The following OPA1 variants were observed in gnomAD, a reference collection of about 807,000 sequenced individuals.
OPA1 encodes the protein OPA1 mitochondrial dynamin like GTPase.
A neutral mutation model predicts 152.9 loss-of-function variants in OPA1; 59 were observed. The observed-to-expected ratio is 0.39, with a 90% CI of 0.31 to 0.48. The LOEUF is 0.48. Ranked by LOEUF, OPA1 falls within the 20% of genes least tolerant of loss-of-function variation. The pLI is 0.96. For synonymous variants in OPA1, 400 were observed against 389.9 expected (o/e 1.03, Z -0.31); for missense variants, 1,008 against 1,216.8 (o/e 0.83, Z 2.55).
chr3:193,622,273 G>A (rs1730259313), intron 6 of OPA1, among the ~76,000 whole-genome samples: 2 of 120,782 alleles, frequency 1.7e-5, no homozygotes, highest in South Asian at 2.8e-4. Context: ...TCTGTCACCC[G>A]GCTGGAGTAC....
At chr3:193,635,723 C>T (rs912308059) in intron 9 of OPA1, among the ~76,000 whole-genome samples, 2 of 152,078 alleles carry the variant, frequency 1.3e-5, no homozygotes, top group African/African-American at 2.4e-5. Flanking sequence ...ATACTATGCC[C>T]ATAAAATCTT....
chr3:193,639,618 CG>C (rs1733455413), intron 11 of OPA1, among the ~76,000 whole-genome samples: 1 of 152,144 alleles, frequency 6.6e-6, no homozygotes, highest in African/African-American at 2.4e-5. Flanking sequence ...TAATGAAGAG[CG>C]GGGAGGAACA....
At chr3:193,614,665 C>A in intron 1 of OPA1, 58 bp from the exon 2 acceptor site, 1 of 1,309,822 alleles carries the variant, frequency 7.6e-7, no homozygotes, top group Non-Finnish European at 1.1e-6. Context: ...CTTTTAATGT[C>A]ATTTCCTTTG....
At position 193,648,835 on chromosome 3, in the gene OPA1, A is replaced by T. The variant is rs983636363; in HGVS notation, c.1976A>T (p.Glu659Val). 1 of 1,609,578 alleles carries T rather than the reference A, an allele frequency of 6.2e-7. No homozygotes were observed. The highest frequency in any genetic ancestry group is 8.5e-7 in the Non-Finnish European group (1 of 1,176,228). ...FEKAKNEILDEVISLSQVTPK... is the reference protein window; with the variant it reads ...FEKAKNEILDVVISLSQVTPK... ...AAAGCTAAAAATGAAATCCTTGATG[A>T]AGTTATCAGTCTGAGCCAGGTTACA... is the stretch of plus-strand genomic sequence containing the variant. The change falls in exon 21 of 31, where the codon GAA becomes GTA. Residue 659 changes from glutamate (E) to valine (V), a missense_variant. By Grantham distance (121) the Glu-to-Val change is moderately radical (BLOSUM62 -2). Around this residue, in one of 7 missense-constraint regions of OPA1, gnomAD observed 229 missense variants for 269.0 expected, o/e 0.85. Transcript: ENST00000361510.
intron 26 of OPA1, 36 bp downstream of exon 26, chr3:193,662,998 C>T: frequency 6.2e-7 from 1 of 1,603,618 alleles, no homozygotes; most frequent in Non-Finnish European, 8.5e-7. Context: ...AATCTGCTTC[C>T]TTAATATTTG....
At chr3:193,630,372 AAG>A (rs1355073524) in intron 7 of OPA1, among the ~76,000 whole-genome samples, 1 of 152,218 alleles carries the variant, frequency 6.6e-6, no homozygotes, top group African/African-American at 2.4e-5. Flanking sequence ...AAAAGAAAAA[AAG>A]AGTGTACCTT....
At chr3:193,612,483 T>C (rs1296891638) in intron 1 of OPA1, among the ~76,000 whole-genome samples, 4 of 152,164 alleles carry the variant, frequency 2.6e-5, no homozygotes, top group Non-Finnish European at 5.9e-5. Flanking sequence ...AGGCACTTTT[T>C]GATTCACTTA....
In OPA1 at chr3:193,647,189, G is replaced by A. The variant is rs927167246; in HGVS notation, c.1870+9G>A. On this transcript the variant is annotated intron_variant, in intron 19 of 30. Coordinates refer to ENST00000361510, the MANE Select transcript of OPA1 (RefSeq NM_130837.3). ...GGCTGATAGTTTCAAAGGTAAGTTG[G>A]ATTTTTTAAAGAAGCAAGCAAATTA... 3.8e-6 allele frequency: 6 copies of A among 1,587,152 alleles called. No individual in the cohort carries two copies. In the East Asian group the frequency reaches 1.1e-4, roughly 30 times the overall value.
intron 1 of OPA1, 82 bp from the exon 2 acceptor site, chr3:193,614,641 T>G: frequency 9.6e-7 from 1 of 1,043,716 alleles, no homozygotes; most frequent in Non-Finnish European, 1.5e-6. Context: ...CTGTGTTTCC[T>G]TTAGTATATT....
chr3:193,639,921 A>C (rs1024140064), intron 11 of OPA1, among the ~76,000 whole-genome samples: 4 of 152,196 alleles, frequency 2.6e-5, no homozygotes, highest in Non-Finnish European at 5.9e-5. Context: ...GGGAGAGAAG[A>C]AAAGCAATGG....
chr3:193,635,641 G>A (rs1046785118), intron 9 of OPA1, 119 bp downstream of exon 9: 4 of 695,548 alleles, frequency 5.8e-6, no homozygotes, highest in Non-Finnish European at 1.1e-5. Flanking sequence ...CTAACCTAAT[G>A]TGCTTGGAGG....
rs866714513 is a variant in OPA1 at position 193,675,337 on chromosome 3, A to C, written c.2983+8057A>C. ...ATTTTTTTTTTTTAAGAAAAAAAAA[A>C]AAAAAAAAAAAAACACCCAATCAAG... On this transcript the variant is annotated intron_variant, in intron 29 of 30. Transcript: ENST00000361510. Among the ~76,000 whole-genome samples the C allele has an allele frequency of 6.0e-4, 74 of 123,186 alleles. 1 individual carries two copies. Among genetic ancestry groups the C allele is most frequent in the South Asian group, 2.9e-3 (11 of 3,794 alleles). The allele number at this position is 123,186 out of a possible 152,430, so 80.8% of individuals were successfully genotyped here. A position where few individuals can be genotyped will look rare whatever the true frequency, so the allele number is the denominator to read the frequency against.
At chr3:193,601,270 C>T (rs1390316733) in intron 1 of OPA1, among the ~76,000 whole-genome samples, 1 of 152,054 alleles carries the variant, frequency 6.6e-6, no homozygotes, top group Non-Finnish European at 1.5e-5. Flanking sequence ...AGCTTATCCT[C>T]GTCTATTTCG....
At chr3:193,638,328 A>T (rs575243516) in intron 11 of OPA1, among the ~76,000 whole-genome samples, 4 of 152,252 alleles carry the variant, frequency 2.6e-5, no homozygotes, top group South Asian at 4.2e-4. Flanking sequence ...GATAAGAGAG[A>T]AGTTAAGAGA....
At position 193,696,518 on chromosome 3, in the gene OPA1, T is replaced by G. The variant is rs1449283313; in HGVS notation, c.*1918T>G. On this transcript the variant is annotated 3_prime_UTR_variant, in exon 31 of 31. Coordinates refer to ENST00000361510, the MANE Select transcript of OPA1 (RefSeq NM_130837.3). Reference sequence around the variant, plus strand: ...TGTGGCTTCTTTCATGGGTTTTTTTTTCTTCTTTTTAGCTGATCTCATCCT... The same window carrying G: ...TGTGGCTTCTTTCATGGGTTTTTTTGTCTTCTTTTTAGCTGATCTCATCCT... The G allele has an allele frequency of 6.6e-6, 1 of 152,230 alleles. No homozygotes were observed. The highest frequency in any genetic ancestry group is 1.5e-5 in the Non-Finnish European group (1 of 68,038). 9.4% of individuals were successfully genotyped at this position (152,230 alleles called of 1,614,324 possible).
At chr3:193,610,680 C>T (rs902284220) in intron 1 of OPA1, among the ~76,000 whole-genome samples, 56 of 152,234 alleles carry the variant, frequency 3.7e-4, no homozygotes, top group Non-Finnish European at 1.0e-4. Context: ...GCAGTGGGCT[C>T]CACCCAGTTC....
intron 30 of OPA1, 118 bp downstream of exon 30, chr3:193,692,250 T>C: frequency 3.0e-6 from 2 of 675,628 alleles, no homozygotes; most frequent in Non-Finnish European, 5.4e-6. Context: ...GTAATTTCAA[T>C]GGCATGAATC....
At chr3:193,685,837 A>C (rs1259803399) in intron 29 of OPA1, among the ~76,000 whole-genome samples, 1 of 152,222 alleles carries the variant, frequency 6.6e-6, no homozygotes, top group South Asian at 2.1e-4. Context: ...TAAGTTTTAA[A>C]TTAGTGTGGA....
At chr3:193,680,503 A>G (rs1719962843) in intron 29 of OPA1, among the ~76,000 whole-genome samples, 1 of 152,142 alleles carries the variant, frequency 6.6e-6, no homozygotes, top group Non-Finnish European at 1.5e-5. Flanking sequence ...CTGTCCATTC[A>G]CTTCCCATCT....
Sources: allele counts gnomAD v4.1 joint callset (sites outside exome capture counted in the v4.1 genomes callset), GRCh38; gene constraint gnomAD v4.1.1; regional missense constraint gnomAD v4.1.1; transcripts MANE v1.5; gene names NCBI Gene and HGNC (gene_info 2026-07-23, HGNC 2026-07-21).